PPFIA2: variants seen among roughly 807,000 people sequenced by gnomAD.
PPFIA2 encodes the protein PPFI scaffold protein A2.
PPFIA2 carries 46 observed loss-of-function variants against 175.5 expected under a neutral mutation model. The ratio of observed to expected loss-of-function variants is 0.26; its 90% confidence interval spans 0.21 to 0.34. PPFIA2 has a LOEUF of 0.34. Ranked by LOEUF, PPFIA2 falls within the 10% of genes least tolerant of loss-of-function variation. The pLI is 1.00. For synonymous variants in PPFIA2, 568 were observed against 511.4 expected (o/e 1.11, Z -1.49); for missense variants, 1,179 against 1,506.1 (o/e 0.78, Z 3.60).
chr12:81,757,963 A>G (rs1021378373), intron 2 of PPFIA2, among the ~76,000 whole-genome samples: 1 of 152,196 alleles, frequency 6.6e-6, no homozygotes, highest in African/African-American at 2.4e-5. Context: ...AATCCTAGCC[A>G]TTGTCTGATT....
intron 4 of PPFIA2, among the ~76,000 whole-genome samples, chr12:81,663,298 T>A (rs2069337266): frequency 6.6e-6 from 1 of 152,192 alleles, no homozygotes; most frequent in Admixed American, 6.5e-5. Flanking sequence ...CCCCATCGTC[T>A]CAGCCCAAAA....
chr12:81,453,070 G>T (rs2052925227), intron 5 of PPFIA2, among the ~76,000 whole-genome samples: 1 of 150,384 alleles, frequency 6.6e-6, no homozygotes, highest in African/African-American at 2.5e-5. Flanking sequence ...ATGTATACAT[G>T]TGCCATGCTG....
chr12:81,314,871 ATT>A (rs76528486), intron 22 of PPFIA2, among the ~76,000 whole-genome samples: 1 of 151,314 alleles, frequency 6.6e-6, no homozygotes, highest in African/African-American at 2.4e-5. Flanking sequence ...ATAAATAAAT[ATT>A]TTTTTTAATA....
At chr12:81,642,759 CATGTATATGT>C (rs772563901) in intron 4 of PPFIA2, among the ~76,000 whole-genome samples, 147 of 7,158 alleles carry the variant, frequency 0.021, 58 homozygotes, top group African/African-American at 0.073. Context: ...TATATACATA[CATGTATATGT>C]ATGTATGTAT....
intron 3 of PPFIA2, among the ~76,000 whole-genome samples, chr12:81,707,080 C>A (rs918297871): frequency 6.6e-6 from 1 of 152,208 alleles, no homozygotes; most frequent in African/African-American, 2.4e-5. Context: ...AGAAAAAAAC[C>A]TAGGCATTAC....
intron 5 of PPFIA2, 42 bp downstream of exon 5, chr12:81,457,723 C>A (rs759542817): frequency 7.7e-7 from 1 of 1,291,002 alleles, no homozygotes; most frequent in Non-Finnish European, 1.1e-6. Context: ...ATGCATTGAA[C>A]TACAAATAGA....
In PPFIA2 at chr12:81,487,702, T is replaced by C. The variant is rs79258679; in HGVS notation, c.304-29836A>G. The stretch of plus-strand genomic sequence containing the variant: ...ATTCTATCAGGCCCACTCTTAGGAT[T>C]CTTTCACAGTCAATTCCAGTTATTT... On this transcript the variant is annotated intron_variant, in intron 4 of 32. Transcript: ENST00000549396. 3.0e-3 allele frequency among the ~76,000 whole-genome samples: 460 copies of C among 151,888 alleles called. 6 individuals are homozygous for C. The highest frequency in any genetic ancestry group is 0.029 in the East Asian group (149 of 5,156).
At chr12:81,277,029 T>A (rs1217320555) in intron 28 of PPFIA2, among the ~76,000 whole-genome samples, 1 of 152,194 alleles carries the variant, frequency 6.6e-6, no homozygotes, top group Admixed American at 6.5e-5. Flanking sequence ...AATATCTACA[T>A]GGAGACATCT....
intron 4 of PPFIA2, among the ~76,000 whole-genome samples, chr12:81,490,336 A>C (rs1027573229): frequency 6.6e-6 from 1 of 151,904 alleles, no homozygotes; most frequent in Non-Finnish European, 1.5e-5. Context: ...CTCAGCATAA[A>C]CATTTGCCTC....
At chr12:81,327,428 T>G (rs1203881502) in intron 21 of PPFIA2, among the ~76,000 whole-genome samples, 2 of 152,122 alleles carry the variant, frequency 1.3e-5, no homozygotes, top group East Asian at 1.9e-4. Flanking sequence ...GTACAGTGAG[T>G]GCATATTTTC....
chr12:81,518,437 T>C (rs576484197), intron 4 of PPFIA2, among the ~76,000 whole-genome samples: 1 of 152,286 alleles, frequency 6.6e-6, no homozygotes, highest in South Asian at 2.1e-4. Flanking sequence ...TCTTCAAAGC[T>C]AGGAGTACCA....
At chr12:81,468,592 A>G (rs2056170470) in intron 4 of PPFIA2, among the ~76,000 whole-genome samples, 1 of 152,198 alleles carries the variant, frequency 6.6e-6, no homozygotes. Context: ...GAATATTTAA[A>G]TCTCCCAACA....
At chr12:81,652,382 T>C (rs928042562) in intron 4 of PPFIA2, among the ~76,000 whole-genome samples, 1 of 151,636 alleles carries the variant, frequency 6.6e-6, no homozygotes, top group African/African-American at 2.4e-5. Context: ...CATCTCATCT[T>C]ACATAGTAAA....
In PPFIA2 at chr12:81,533,606, T is replaced by C. The variant is rs570295180; in HGVS notation, c.304-75740A>G. 5.3e-4 allele frequency among the ~76,000 whole-genome samples: 81 copies of C among 151,620 alleles called. 1 individual carries two copies. Among genetic ancestry groups the C allele is most frequent in the African/African-American group, 1.9e-3 (79 of 41,446 alleles). ...TTGCTCTGAATAAGAAATAGTTTTA[T>C]AGTTATGAATATGTGAACAATGAAT... On this transcript the variant is annotated intron_variant, in intron 4 of 32. Coordinates refer to ENST00000549396, the MANE Select transcript of PPFIA2 (RefSeq NM_003625.5).
intron 4 of PPFIA2, among the ~76,000 whole-genome samples, chr12:81,606,482 T>C (rs1292463425): frequency 2.0e-5 from 3 of 152,102 alleles, no homozygotes; most frequent in East Asian, 3.9e-4. Flanking sequence ...CCAGCATCTA[T>C]TGTTTCCTGG....
At chr12:81,751,778 T>C (rs1379297195) in intron 3 of PPFIA2, among the ~76,000 whole-genome samples, 1 of 152,164 alleles carries the variant, frequency 6.6e-6, no homozygotes, top group Admixed American at 6.6e-5. Context: ...TAAAACATTT[T>C]CATTCTTGTA....
chr12:81,477,210 A>C (rs879471039), intron 4 of PPFIA2, among the ~76,000 whole-genome samples: 4 of 152,134 alleles, frequency 2.6e-5, no homozygotes, highest in Non-Finnish European at 4.4e-5. Flanking sequence ...CCTGGAACTT[A>C]AAATAAAATT....
chr12:81,455,035 C>A (rs2053336388), intron 5 of PPFIA2, among the ~76,000 whole-genome samples: 1 of 152,168 alleles, frequency 6.6e-6, no homozygotes, highest in East Asian at 1.9e-4. Flanking sequence ...TTTAAATTTG[C>A]TCACAATCTG....
At chr12:81,356,423 G>A (rs2060861613) in intron 16 of PPFIA2, among the ~76,000 whole-genome samples, 1 of 152,102 alleles carries the variant, frequency 6.6e-6, no homozygotes, top group Non-Finnish European at 1.5e-5. Flanking sequence ...AGCACTTTGG[G>A]AGGCTGAGGT....
Sources: allele counts gnomAD v4.1 joint callset (sites outside exome capture counted in the v4.1 genomes callset), GRCh38; gene constraint gnomAD v4.1.1; transcripts MANE v1.5; gene names NCBI Gene and HGNC (gene_info 2026-07-23, HGNC 2026-07-21).